Variants in PPM1L observed in about 807,000 individuals in gnomAD.
The protein encoded by PPM1L is protein phosphatase 1L.
Under a neutral mutation model 31.4 loss-of-function variants are expected in PPM1L, and 13 were observed. The observed-to-expected ratio is 0.41, with a 90% CI of 0.27 to 0.66. The LOEUF (loss-of-function observed/expected upper bound fraction) is 0.66, where lower values mean the gene tolerates loss of function less well. Ranked by LOEUF, PPM1L falls within the 30% of genes least tolerant of loss-of-function variation. PPM1L has a pLI of 0.29. For missense variants in PPM1L, 326 were observed against 453.7 expected (o/e 0.72, Z 2.56); for synonymous variants, 184 against 175.4 (o/e 1.05, Z -0.39).
chr3:160,797,451 C>T (rs1712283321), intron 1 of PPM1L, among the ~76,000 whole-genome samples: 1 of 152,124 alleles, frequency 6.6e-6, no homozygotes, highest in Non-Finnish European at 1.5e-5. Context: ...CTTCAGTAGC[C>T]TCTAAGTGTT....
chr3:160,845,061 A>G (rs543666662), intron 1 of PPM1L, among the ~76,000 whole-genome samples: 1 of 152,280 alleles, frequency 6.6e-6, no homozygotes, highest in South Asian at 2.1e-4. Flanking sequence ...TCCATGTTGT[A>G]GCATGTATCA....
chr3:160,759,319 G>A (rs1446830947), intron 1 of PPM1L, among the ~76,000 whole-genome samples: 1 of 152,138 alleles, frequency 6.6e-6, no homozygotes, highest in African/African-American at 2.4e-5. Context: ...AAAAACTAGG[G>A]CCCGTCTGTA....
intron 1 of PPM1L, among the ~76,000 whole-genome samples, chr3:160,945,957 A>G (rs1715393713): frequency 6.6e-6 from 1 of 152,204 alleles, no homozygotes; most frequent in South Asian, 2.1e-4. Context: ...AATATGTATT[A>G]ATCAACTATT....
At chr3:161,035,037 G>A (rs1464323057) in intron 2 of PPM1L, among the ~76,000 whole-genome samples, 1 of 151,324 alleles carries the variant, frequency 6.6e-6, no homozygotes, top group Non-Finnish European at 1.5e-5. Flanking sequence ...TGAACAATGA[G>A]AACATATGGG....
intron 2 of PPM1L, among the ~76,000 whole-genome samples, chr3:161,006,532 T>C (rs1033357481): frequency 6.6e-6 from 1 of 152,212 alleles, no homozygotes; most frequent in Non-Finnish European, 1.5e-5. Flanking sequence ...TAAAAAAGTT[T>C]TTTTTAAAGT....
intron 1 of PPM1L, among the ~76,000 whole-genome samples, chr3:160,766,697 G>GA (rs72071223): frequency 2.9e-4 from 42 of 142,944 alleles, no homozygotes; most frequent in South Asian, 1.5e-3. Flanking sequence ...TTGTACTTCT[G>GA]AAAAAAAAAA....
At chr3:160,846,997 C>T (rs954401616) in intron 1 of PPM1L, among the ~76,000 whole-genome samples, 2 of 151,968 alleles carry the variant, frequency 1.3e-5, no homozygotes, top group East Asian at 1.9e-4. Flanking sequence ...GGAAAGAATA[C>T]CAAAAACTCA....
At chr3:160,799,638 T>C (rs56083575) in intron 1 of PPM1L, among the ~76,000 whole-genome samples, 7,453 of 152,290 alleles carry the variant, frequency 0.049, 204 homozygotes, top group East Asian at 0.072. Flanking sequence ...CCTCAGTATC[T>C]TTGAGACATG....
At chr3:160,920,344 C>T (rs1312658188) in intron 1 of PPM1L, among the ~76,000 whole-genome samples, 2 of 152,164 alleles carry the variant, frequency 1.3e-5, no homozygotes, top group African/African-American at 2.4e-5. Context: ...CCTCCCCAGG[C>T]TCCCAGTATC....
intron 1 of PPM1L, among the ~76,000 whole-genome samples, chr3:160,864,407 G>A (rs922258661): frequency 2.6e-5 from 4 of 152,060 alleles, no homozygotes; most frequent in African/African-American, 7.2e-5. Context: ...AAACACCTGG[G>A]CCCAAGCAGT....
At chr3:160,875,216 T>C (rs934920765) in intron 1 of PPM1L, among the ~76,000 whole-genome samples, 7 of 152,214 alleles carry the variant, frequency 4.6e-5, no homozygotes, top group African/African-American at 7.2e-5. Flanking sequence ...ATTATTGATA[T>C]GGAATGTACT....
chr3:160,964,365 GAAAA>G (rs1337035682), intron 2 of PPM1L, among the ~76,000 whole-genome samples: 1 of 151,690 alleles, frequency 6.6e-6, no homozygotes, highest in African/African-American at 2.4e-5. Flanking sequence ...CTAAGCTAGA[GAAAA>G]AAATTTATGA....
chr3:160,953,006 C>A (rs746864553), intron 1 of PPM1L, among the ~76,000 whole-genome samples: 6 of 152,072 alleles, frequency 3.9e-5, no homozygotes, highest in Non-Finnish European at 8.8e-5. Context: ...TATTAAAATT[C>A]TTAAACTTTT....
Position 161,075,407 on chromosome 3 carries a change from A to C in PPM1L, c.*6250A>C, listed in dbSNP as rs2108119111. 6.6e-6 allele frequency: 1 copy of C among 152,292 alleles called. No individual in the cohort carries two copies. The highest frequency in any genetic ancestry group is 2.1e-4 in the South Asian group (1 of 4,824). 9.4% of individuals were successfully genotyped at this position (152,292 alleles called of 1,614,324 possible). ...TCTGACACCTGCACATAGATGAAGA[A>C]AAGGCAGTTGTTACCACTTTTCACC... On this transcript the variant is annotated 3_prime_UTR_variant, in exon 4 of 4. Coordinates refer to ENST00000498165, the MANE Select transcript of PPM1L (RefSeq NM_139245.4).
At chr3:160,864,327 T>C (rs867726138) in intron 1 of PPM1L, among the ~76,000 whole-genome samples, 1 of 152,024 alleles carries the variant, frequency 6.6e-6, no homozygotes, top group African/African-American at 2.4e-5. Context: ...CTGGGACTTA[T>C]AGGCACTTGA....
At chr3:161,027,949 A>G (rs1264859679) in intron 2 of PPM1L, among the ~76,000 whole-genome samples, 1 of 152,218 alleles carries the variant, frequency 6.6e-6, no homozygotes, top group Admixed American at 6.5e-5. Flanking sequence ...TAAACAGTAA[A>G]TCAAAGGTTA....
chr3:160,999,982 C>T (rs1042409343), intron 2 of PPM1L, among the ~76,000 whole-genome samples: 4 of 152,120 alleles, frequency 2.6e-5, no homozygotes, highest in Admixed American at 2.0e-4. Flanking sequence ...GGTATTTCTC[C>T]CTCCCAAGAC....
intron 1 of PPM1L, among the ~76,000 whole-genome samples, chr3:160,802,276 GTGATC>G (rs1174553045): frequency 6.6e-6 from 1 of 152,112 alleles, no homozygotes; most frequent in African/African-American, 2.4e-5. Context: ...ACCCTGGTCA[GTGATC>G]TGTGACAGTA....
At chr3:160,865,357 G>A (rs1712051003) in intron 1 of PPM1L, among the ~76,000 whole-genome samples, 1 of 152,206 alleles carries the variant, frequency 6.6e-6, no homozygotes, top group Admixed American at 6.5e-5. Flanking sequence ...CCCAGGAATT[G>A]TATTTTATTG....
Sources: gnomAD v4.1 joint callset for allele counts (sites outside exome capture counted in the v4.1 genomes callset) on GRCh38, gnomAD v4.1.1 for gene constraint, MANE v1.5 for transcripts, NCBI Gene and HGNC (gene_info 2026-07-23, HGNC 2026-07-21) for gene names.